PLCB1: variants seen among roughly 807,000 people sequenced by gnomAD.
The protein encoded by PLCB1 is 1-phosphatidylinositol 4,5-bisphosphate phosphodiesterase beta-1.
PLCB1 carries 46 observed loss-of-function variants against 161.8 expected under a neutral mutation model. The observed-to-expected ratio is 0.28, with a 90% CI of 0.22 to 0.36. The LOEUF (loss-of-function observed/expected upper bound fraction) is 0.36. PLCB1 is among the 10% of genes least tolerant of loss of function. The probability of loss-of-function intolerance (pLI) is 1.00; values close to 1 mark genes in which losing one functional copy is unlikely to be tolerated. For synonymous variants in PLCB1, 517 were observed against 503.7 expected, an observed-to-expected ratio of 1.03 and a Z score of -0.35; for missense variants, 1,016 against 1,472.5, an observed-to-expected ratio of 0.69 and a Z score of 5.07.
chr20:8,136,583 G>A lies in PLCB1; in HGVS notation c.99+3833G>A, dbSNP rs560983203. Among the ~76,000 whole-genome samples, 1,133 of 149,804 alleles carry A rather than the reference G, an allele frequency of 7.6e-3. 4 individuals carry two copies. The highest frequency in any genetic ancestry group is 0.011 in the Non-Finnish European group (712 of 67,760). On this transcript the variant is annotated intron_variant, in intron 1 of 31. Transcript: ENST00000338037. ...GGAGCTTGCAGTGAGCCGAGATCGC[G>A]CCACTGCACTCCAGCCTGGGCGACA...
chr20:8,577,099 T>C (rs1033161349), intron 3 of PLCB1, among the ~76,000 whole-genome samples: 3 of 152,124 alleles, frequency 2.0e-5, no homozygotes, highest in Admixed American at 2.0e-4. Context: ...AATCAAGTCA[T>C]GTATTATTTG....
At chr20:8,171,954 G>A (rs1354869346) in intron 2 of PLCB1, among the ~76,000 whole-genome samples, 1 of 152,056 alleles carries the variant, frequency 6.6e-6, no homozygotes, top group African/African-American at 2.4e-5. Context: ...CACTTCTCTG[G>A]GAACTGTCCC....
chr20:8,616,612 G>A (rs1323267208), intron 3 of PLCB1, among the ~76,000 whole-genome samples: 2 of 152,182 alleles, frequency 1.3e-5, no homozygotes, highest in South Asian at 4.1e-4. Context: ...AACTAGCACA[G>A]TGCCAGATAA....
rs1369016001 is a variant in PLCB1, at chr20:8,504,167, G to A, written c.247-124127G>A. Among the ~76,000 whole-genome samples, 5 of 152,130 alleles carry A rather than the reference G, an allele frequency of 3.3e-5. No individual in the cohort carries two copies. The East Asian group carries it at 7.7e-4, about 23-fold the overall frequency. ...ATGGTCCCATTGCAGATCAAGAGGG[G>A]GCTGTGCTCTGTGTCACCTCCACTC... On this transcript the variant is annotated intron_variant, in intron 3 of 31. Coordinates refer to ENST00000338037, the MANE Select transcript of PLCB1 (RefSeq NM_015192.4).
intron 2 of PLCB1, among the ~76,000 whole-genome samples, chr20:8,158,435 C>T (rs546458176): frequency 6.6e-6 from 1 of 152,126 alleles, no homozygotes; most frequent in Non-Finnish European, 1.5e-5. Context: ...AGAGGTCTCA[C>T]CCACAACATA....
intron 3 of PLCB1, among the ~76,000 whole-genome samples, chr20:8,538,462 T>G (rs1036371580): frequency 1.1e-4 from 16 of 152,130 alleles, no homozygotes; most frequent in African/African-American, 3.9e-4. Flanking sequence ...TCCTCCCACC[T>G]CAAAAGCTTT....
chr20:8,486,481 ATTTTT>A (rs71183092), intron 3 of PLCB1, among the ~76,000 whole-genome samples: 11 of 85,780 alleles, frequency 1.3e-4, no homozygotes, highest in South Asian at 4.3e-4. Flanking sequence ...ATTCCAAAAT[ATTTTT>A]TTTTTTTTTT....
At position 8,764,860 on chromosome 20, in the gene PLCB1, A is replaced by G. The variant is rs183076402; in HGVS notation, c.2711-279A>G. 2.4e-4 allele frequency among the ~76,000 whole-genome samples: 36 copies of G among 152,256 alleles called. No homozygotes were observed. The East Asian group carries it at 6.2e-3, about 26-fold the overall frequency. On this transcript the variant is annotated intron_variant, in intron 25 of 31. Transcript: ENST00000338037. Reference sequence around the variant, plus strand: ...GAGAGTCCCTCAGTAAATCACGTGCACCTGAATCCCCATCTTGCATTCTGC... The same window carrying G: ...GAGAGTCCCTCAGTAAATCACGTGCGCCTGAATCCCCATCTTGCATTCTGC...
At chr20:8,187,842 T>C (rs984655841) in intron 2 of PLCB1, among the ~76,000 whole-genome samples, 1 of 151,796 alleles carries the variant, frequency 6.6e-6, no homozygotes, top group African/African-American at 2.4e-5. Context: ...CACTACATAT[T>C]TGGTGGTGGT....
intron 3 of PLCB1, among the ~76,000 whole-genome samples, chr20:8,380,284 G>A (rs1987218067): frequency 6.6e-6 from 1 of 150,688 alleles, no homozygotes; most frequent in African/African-American, 2.4e-5. Context: ...TAGGTGTGTG[G>A]TGTTCTATTC....
At chr20:8,344,931 C>A (rs797012417) in intron 2 of PLCB1, among the ~76,000 whole-genome samples, 84 of 152,278 alleles carry the variant, frequency 5.5e-4, no homozygotes, top group African/African-American at 2.0e-3. Context: ...AAATTTGGCA[C>A]GCTGAAAGGA....
At chr20:8,684,093 C>T (rs1028378754) in intron 9 of PLCB1, among the ~76,000 whole-genome samples, 5 of 152,042 alleles carry the variant, frequency 3.3e-5, no homozygotes, top group Admixed American at 3.3e-4. Flanking sequence ...ACCGTGTTAG[C>T]CAGGATGGTC....
At chr20:8,698,434 T>C (rs1990628327) in intron 11 of PLCB1, among the ~76,000 whole-genome samples, 1 of 152,218 alleles carries the variant, frequency 6.6e-6, no homozygotes, top group Non-Finnish European at 1.5e-5. Flanking sequence ...TTCATTAATA[T>C]TGTTTCAGAT....
chr20:8,485,430 T>C (rs766336592), intron 3 of PLCB1, among the ~76,000 whole-genome samples: 12 of 152,396 alleles, frequency 7.9e-5, no homozygotes, highest in Non-Finnish European at 1.5e-4. Flanking sequence ...GCAGAAAAGA[T>C]AATGTATTTA....
At chr20:8,520,500 C>A (rs1411699528) in intron 3 of PLCB1, among the ~76,000 whole-genome samples, 1 of 151,984 alleles carries the variant, frequency 6.6e-6, no homozygotes, top group Non-Finnish European at 1.5e-5. Context: ...ACCTATGCAC[C>A]TTTTTCTAAC....
chr20:8,151,293 ACT>A (rs2051505730), intron 2 of PLCB1, among the ~76,000 whole-genome samples: 1 of 152,134 alleles, frequency 6.6e-6, no homozygotes, highest in African/African-American at 2.4e-5. Context: ...CTCTTTCAAA[ACT>A]CTACATTAGT....
intron 2 of PLCB1, among the ~76,000 whole-genome samples, chr20:8,168,348 T>G (rs1238524209): frequency 6.6e-6 from 1 of 152,200 alleles, no homozygotes; most frequent in African/African-American, 2.4e-5. Flanking sequence ...AACTGACTGA[T>G]AGCTTCCTCA....
intron 19 of PLCB1, among the ~76,000 whole-genome samples, chr20:8,733,949 G>T (rs1392791864): frequency 7.2e-6 from 1 of 139,170 alleles, no homozygotes; most frequent in African/African-American, 2.6e-5. Flanking sequence ...GTGAAACCCC[G>T]TCTCTACTAA....
chr20:8,838,405 T>C (rs1459775373), intron 31 of PLCB1, among the ~76,000 whole-genome samples: 1 of 152,120 alleles, frequency 6.6e-6, no homozygotes, highest in Non-Finnish European at 1.5e-5. Context: ...CCAGGCAGAG[T>C]AGGGCTAATG....
Sources: allele counts gnomAD v4.1 joint callset (sites outside exome capture counted in the v4.1 genomes callset), GRCh38; gene constraint gnomAD v4.1.1; transcripts MANE v1.5; gene names NCBI Gene and HGNC (gene_info 2026-07-23, HGNC 2026-07-21).